Variants in FAM83B observed in about 807,000 individuals in gnomAD.
The protein encoded by FAM83B is scaffolding CK1 anchoring protein B.
Under a neutral mutation model 38.8 loss-of-function variants are expected in FAM83B, and 26 were observed. The ratio of observed to expected loss-of-function variants is 0.67; its 90% CI spans 0.49 to 0.93. FAM83B has a LOEUF of 0.93. Ranked by LOEUF, FAM83B falls within the 40% of genes least tolerant of loss-of-function variation. The pLI is 0.00. For synonymous variants in FAM83B, 419 were observed against 423.1 expected, an observed-to-expected ratio of 0.99 and a Z score of 0.12; for missense variants, 1,237 against 1,197.3, an observed-to-expected ratio of 1.03 and a Z score of -0.49.
intron 2 of FAM83B, among the ~76,000 whole-genome samples, chr6:54,879,434 A>G (rs923792752): frequency 6.6e-6 from 1 of 152,174 alleles, no homozygotes; most frequent in African/African-American, 2.4e-5. Flanking sequence ...TTTTACAGGC[A>G]ATTATTTCGC....
At chr6:54,875,728 G>C (rs9464156) in intron 2 of FAM83B, among the ~76,000 whole-genome samples, 1 of 75,152 alleles carries the variant, frequency 1.3e-5, no homozygotes, top group Non-Finnish European at 3.4e-5. Flanking sequence ...AGGTGGAGGG[G>C]AAGAGGGAAG....
At chr6:54,862,910 C>T (rs1276372558) in intron 1 of FAM83B, among the ~76,000 whole-genome samples, 1 of 151,664 alleles carries the variant, frequency 6.6e-6, no homozygotes, top group African/African-American at 2.4e-5. Context: ...ATCCACCTGT[C>T]ATCTTGTTTT....
intron 1 of FAM83B, among the ~76,000 whole-genome samples, chr6:54,859,675 G>T (rs1305308480): frequency 6.6e-6 from 1 of 152,190 alleles, no homozygotes; most frequent in African/African-American, 2.4e-5. Context: ...ATGACACTGT[G>T]TGTCAGTGAG....
At chr6:54,919,495 AT>A (rs1039904450) in intron 2 of FAM83B, among the ~76,000 whole-genome samples, 8 of 152,098 alleles carry the variant, frequency 5.3e-5, no homozygotes, top group South Asian at 2.1e-4. Flanking sequence ...AATAATCTAG[AT>A]TTTTCCCCCC....
intron 2 of FAM83B, among the ~76,000 whole-genome samples, chr6:54,899,171 T>C (rs182350368): frequency 3.9e-5 from 6 of 152,308 alleles, no homozygotes; most frequent in Admixed American, 2.0e-4. Context: ...TTTTAATTTG[T>C]CATGAAATCT....
Position 54,919,254 on chromosome 6 carries a change from T to G in FAM83B, c.445-7117T>G, listed in dbSNP as rs373730840. 9.2e-5 allele frequency among the ~76,000 whole-genome samples: 14 copies of G among 152,292 alleles called. No homozygotes were observed. The East Asian group carries it at 1.9e-3, about 21-fold the overall frequency. On this transcript the variant is annotated intron_variant, in intron 2 of 4. Transcript: ENST00000306858. ...AGTTCCTTTAAAAATCAAAGATGCC[T>G]ACTTGCACAGAGCTGATATAAAGAT...
At chr6:54,903,210 G>A (rs111472816) in intron 2 of FAM83B, among the ~76,000 whole-genome samples, 46 of 152,094 alleles carry the variant, frequency 3.0e-4, no homozygotes, top group African/African-American at 1.0e-3. Flanking sequence ...TTATTTATTG[G>A]ACATTTAAGT....
At chr6:54,894,775 A>T (rs1343410246) in intron 2 of FAM83B, among the ~76,000 whole-genome samples, 2 of 148,516 alleles carry the variant, frequency 1.3e-5, no homozygotes, top group Non-Finnish European at 3.0e-5. Flanking sequence ...TTTGGTCAGA[A>T]AACTTAGAAG....
At chr6:54,908,164 G>T (rs1772819906) in intron 2 of FAM83B, among the ~76,000 whole-genome samples, 2 of 148,558 alleles carry the variant, frequency 1.3e-5, no homozygotes, top group Admixed American at 1.3e-4. Flanking sequence ...AGCAATTACT[G>T]TCAGAGTGGG....
intron 1 of FAM83B, among the ~76,000 whole-genome samples, chr6:54,849,058 T>G (rs767846912): frequency 9.9e-5 from 15 of 152,204 alleles, no homozygotes; most frequent in Non-Finnish European, 1.8e-4. Flanking sequence ...GGAATGTATT[T>G]TAGAATTTTG....
chr6:54,915,427 CT>C (rs1773011100), intron 2 of FAM83B, among the ~76,000 whole-genome samples: 1 of 152,166 alleles, frequency 6.6e-6, no homozygotes, highest in African/African-American at 2.4e-5. Flanking sequence ...ACCTCCAACC[CT>C]TTTATTCCTG....
At chr6:54,933,600 C>T (rs1157037794) in intron 4 of FAM83B, among the ~76,000 whole-genome samples, 3 of 152,054 alleles carry the variant, frequency 2.0e-5, no homozygotes, top group East Asian at 3.9e-4. Flanking sequence ...TAAAAATAAT[C>T]AGTCACCTCT....
chr6:54,871,131 A>G (rs1771842344), intron 2 of FAM83B, among the ~76,000 whole-genome samples: 1 of 152,190 alleles, frequency 6.6e-6, no homozygotes, highest in Non-Finnish European at 1.5e-5. Flanking sequence ...AATAAACCAT[A>G]TGTTTACTTA....
chr6:54,848,216 G>A (rs1771187001), intron 1 of FAM83B, among the ~76,000 whole-genome samples: 1 of 152,156 alleles, frequency 6.6e-6, no homozygotes, highest in African/African-American at 2.4e-5. Flanking sequence ...GTTTCTCTCT[G>A]TCTTCCTATA....
At position 54,849,464 on chromosome 6, in the gene FAM83B, T is replaced by C. The variant is rs183979009; in HGVS notation, c.-61+2638T>C. On this transcript the variant is annotated intron_variant, in intron 1 of 4. Transcript: ENST00000306858. Reference sequence around the variant, plus strand: ...AGTGGGGGGCAAGTGGGCTGTATGCTGGGGAGGAGGGTGCACTAAGGAGGC... The same window carrying C: ...AGTGGGGGGCAAGTGGGCTGTATGCCGGGGAGGAGGGTGCACTAAGGAGGC... 3.9e-3 allele frequency among the ~76,000 whole-genome samples: 335 copies of C among 86,728 alleles called. 2 individuals carry two copies. The highest frequency in any genetic ancestry group is 0.015 in the African/African-American group (313 of 20,330). The allele number at this position is 86,728 out of a possible 152,430, so 56.9% of individuals were successfully genotyped here. A position where few individuals can be genotyped will look rare whatever the true frequency, so the allele number is the denominator to read the frequency against.
intron 1 of FAM83B, among the ~76,000 whole-genome samples, chr6:54,848,277 C>T (rs1771189136): frequency 6.6e-6 from 1 of 152,162 alleles, no homozygotes; most frequent in South Asian, 2.1e-4. Flanking sequence ...AATTCCACCC[C>T]CTTGCCTTTG....
intron 2 of FAM83B, among the ~76,000 whole-genome samples, chr6:54,893,877 C>A (rs1009261613): frequency 5.9e-5 from 9 of 152,078 alleles, no homozygotes; most frequent in Non-Finnish European, 1.2e-4. Flanking sequence ...TGTGTGAGGT[C>A]TCAATATTTA....
At chr6:54,920,755 A>C (rs1773149152) in intron 2 of FAM83B, among the ~76,000 whole-genome samples, 1 of 151,924 alleles carries the variant, frequency 6.6e-6, no homozygotes, top group Non-Finnish European at 1.5e-5. Flanking sequence ...AATTACAATA[A>C]AAATCATACA....
At chr6:54,857,595 T>C (rs1003313733) in intron 1 of FAM83B, among the ~76,000 whole-genome samples, 1 of 152,150 alleles carries the variant, frequency 6.6e-6, no homozygotes, top group Non-Finnish European at 1.5e-5. Flanking sequence ...ACTTGTAATG[T>C]AAGAGAATAG....
Sources: gnomAD v4.1 joint callset for allele counts (sites outside exome capture counted in the v4.1 genomes callset) on GRCh38, gnomAD v4.1.1 for gene constraint, MANE v1.5 for transcripts, NCBI Gene and HGNC (gene_info 2026-07-23, HGNC 2026-07-21) for gene names.